The following FBXW11 variants were observed in gnomAD, a reference collection of about 807,000 sequenced individuals.
The protein encoded by FBXW11 is F-box and WD repeat domain containing 11, also known as F-box/WD repeat-containing protein 11.
A neutral mutation model predicts 77.6 loss-of-function variants in FBXW11; 19 were observed. The observed-to-expected ratio is 0.24, with a 90% CI of 0.17 to 0.36. The LOEUF is 0.36. Ranked by LOEUF, FBXW11 falls within the 10% of genes least tolerant of loss-of-function variation. The pLI is 1.00. For missense variants in FBXW11, 334 were observed against 704.2 expected (o/e 0.47, Z 5.95); for synonymous variants, 235 against 249.4 (o/e 0.94, Z 0.54).
chr5:171,890,407 C>T (rs1206513343), intron 7 of FBXW11, among the ~76,000 whole-genome samples: 1 of 150,158 alleles, frequency 6.7e-6, no homozygotes, highest in Non-Finnish European at 1.5e-5. Context: ...CCTGTAGTCC[C>T]AGCTACTCAG....
intron 2 of FBXW11, among the ~76,000 whole-genome samples, chr5:171,952,441 A>T (rs867670958): frequency 0.064 from 699 of 10,962 alleles, 28 homozygotes; most frequent in East Asian, 0.26. Context: ...ATATATATAT[A>T]TATATATTTT....
chr5:171,992,635 C>A (rs1380953475), intron 1 of FBXW11, among the ~76,000 whole-genome samples: 1 of 152,114 alleles, frequency 6.6e-6, no homozygotes, highest in Non-Finnish European at 1.5e-5. Context: ...TAGCCCATTC[C>A]TTTATGTTGC....
chr5:171,930,770 A>G (rs1490905823), intron 2 of FBXW11, among the ~76,000 whole-genome samples: 1 of 140,622 alleles, frequency 7.1e-6, no homozygotes, highest in Non-Finnish European at 1.5e-5. Flanking sequence ...AATAAAAAAA[A>G]AAAAAAGAAA....
At chr5:171,931,028 A>T (rs939395095) in intron 2 of FBXW11, among the ~76,000 whole-genome samples, 8 of 152,152 alleles carry the variant, frequency 5.3e-5, no homozygotes, top group Admixed American at 6.5e-5. Flanking sequence ...AAATCAAAGA[A>T]CTAAATTAAT....
At chr5:171,901,653 C>G (rs1760121623) in intron 4 of FBXW11, among the ~76,000 whole-genome samples, 1 of 152,180 alleles carries the variant, frequency 6.6e-6, no homozygotes, top group Non-Finnish European at 1.5e-5. Context: ...ATAGTCATAT[C>G]ACAGAAGACG....
chr5:171,890,512 C>T (rs1759274065), intron 7 of FBXW11, among the ~76,000 whole-genome samples: 3 of 148,314 alleles, frequency 2.0e-5, no homozygotes, highest in Non-Finnish European at 4.5e-5. Flanking sequence ...AAACTCTCAT[C>T]ACTGTAGATG....
chr5:171,874,752 CAAAAAAAAAAAA>C lies in FBXW11; in HGVS notation c.1221+1521_1221+1532del, dbSNP rs34775989. ...GTGACAAAGTGAGACCTGGTCTCTA[CAAAAAAAAAAAA>C]AAAAAAAAAAAAAGGGCCGGGCCTG... On this transcript the variant is annotated intron_variant, in intron 9 of 13. Transcript: ENST00000517395. 2.0e-3 allele frequency among the ~76,000 whole-genome samples: 76 copies of C among 38,130 alleles called. 1 individual carries two copies. Among genetic ancestry groups the C allele is most frequent in the African/African-American group, 5.2e-3 (68 of 13,084 alleles). The allele number at this position is 38,130 out of a possible 152,430, so 25.0% of individuals were successfully genotyped here.
intron 1 of FBXW11, among the ~76,000 whole-genome samples, chr5:171,963,196 C>T (rs944936493): frequency 6.6e-6 from 1 of 151,928 alleles, no homozygotes; most frequent in Non-Finnish European, 1.5e-5. Flanking sequence ...TACACACACA[C>T]ACACACACAC....
intron 1 of FBXW11, among the ~76,000 whole-genome samples, chr5:171,985,737 T>C (rs1359083452): frequency 6.6e-6 from 1 of 152,026 alleles, no homozygotes; most frequent in East Asian, 1.9e-4. Flanking sequence ...TCTGCACCAC[T>C]TCAGTCTGGG....
At chr5:171,957,554 G>A (rs776392170) in intron 2 of FBXW11, 43 bp downstream of exon 2, 2 of 1,485,290 alleles carry the variant, frequency 1.3e-6, no homozygotes, top group African/African-American at 2.8e-5. Flanking sequence ...AATGTTCATG[G>A]CATACGTAAA....
At chr5:171,900,129 C>T (rs377051881) in intron 4 of FBXW11, 29 bp from the exon 5 acceptor site, 149 of 1,557,154 alleles carry the variant, frequency 9.6e-5, no homozygotes, top group Middle Eastern at 3.4e-4. Flanking sequence ...AATGAAGGAA[C>T]GGGAAGAGAG....
intron 2 of FBXW11, among the ~76,000 whole-genome samples, chr5:171,955,530 G>A (rs983592378): frequency 6.6e-6 from 1 of 152,152 alleles, no homozygotes; most frequent in Non-Finnish European, 1.5e-5. Flanking sequence ...TTTGGAGACT[G>A]GAGGTAAAGG....
At chr5:171,980,228 T>C (rs1249243834) in intron 1 of FBXW11, among the ~76,000 whole-genome samples, 1 of 152,250 alleles carries the variant, frequency 6.6e-6, no homozygotes. Flanking sequence ...AGTTACTATT[T>C]ATTCCTAACT....
At chr5:171,969,923 T>C (rs1294397216) in intron 1 of FBXW11, among the ~76,000 whole-genome samples, 1 of 152,188 alleles carries the variant, frequency 6.6e-6, no homozygotes, top group Non-Finnish European at 1.5e-5. Context: ...CAGGCTGGTC[T>C]CAAACTCCTG....
At chr5:172,002,096 C>T (rs1310311877) in intron 1 of FBXW11, among the ~76,000 whole-genome samples, 1 of 152,144 alleles carries the variant, frequency 6.6e-6, no homozygotes, top group African/African-American at 2.4e-5. Flanking sequence ...AGGTAGAACC[C>T]AGGATCCCAC....
intron 7 of FBXW11, among the ~76,000 whole-genome samples, chr5:171,890,826 A>C (rs1363556125): frequency 6.6e-6 from 1 of 152,228 alleles, no homozygotes; most frequent in Non-Finnish European, 1.5e-5. Context: ...GAGCTGCTCC[A>C]TATCGTGATT....
chr5:171,958,974 G>T (rs1763758055), intron 1 of FBXW11, among the ~76,000 whole-genome samples: 1 of 151,308 alleles, frequency 6.6e-6, no homozygotes, highest in South Asian at 2.1e-4. Flanking sequence ...TGGTTTAGTG[G>T]ATAAATTCTA....
intron 1 of FBXW11, among the ~76,000 whole-genome samples, chr5:171,998,334 G>GACTTTTTTTTTTTTTTTTTTTT (rs1766187303): frequency 9.3e-6 from 1 of 107,864 alleles, no homozygotes; most frequent in African/African-American, 7.2e-5. Flanking sequence ...TTTTTTTCTT[G>GACTTTTTTTTTTTTTTTTTTTT]TCTTTTTTTT....
At position 171,869,173 on chromosome 5, in the gene FBXW11, T is replaced by C. The variant is rs1357108788; in HGVS notation, c.1531-377A>G. The stretch of plus-strand genomic sequence containing the variant: ...ATGACCAGGATCTACCTCAAATTGC[T>C]GCCAGCATCAAAATTCATGGTGAAA... On this transcript the variant is annotated intron_variant, in intron 12 of 13. Transcript: ENST00000517395. This position sits in a 1 kb window ranked among gnomAD's most constrained non-coding sequence, Gnocchi z 4.1. Among the ~76,000 whole-genome samples the C allele has an allele frequency of 6.6e-6, 1 of 152,206 alleles. No homozygotes were observed. Among genetic ancestry groups the C allele is most frequent in the Non-Finnish European group, 1.5e-5 (1 of 68,034 alleles).
Sources: allele counts gnomAD v4.1 joint callset (sites outside exome capture counted in the v4.1 genomes callset), GRCh38; gene constraint gnomAD v4.1.1; non-coding constraint Gnocchi (gnomAD v3.1); transcripts MANE v1.5; gene names NCBI Gene and HGNC (gene_info 2026-07-23, HGNC 2026-07-21).